TRIP12: variants seen among roughly 807,000 people sequenced by gnomAD.
TRIP12 encodes E3 ubiquitin-protein ligase TRIP12.
TRIP12 carries 25 observed loss-of-function variants against 244.2 expected under a neutral mutation model. The ratio of observed to expected loss-of-function variants is 0.10; its 90% CI spans 0.07 to 0.14. TRIP12 has a LOEUF of 0.14. Ranked by LOEUF, TRIP12 falls within the 10% of genes least tolerant of loss-of-function variation. The pLI is 1.00. For missense variants in TRIP12, 1,677 were observed against 2,486.4 expected (o/e 0.67, Z 6.92); for synonymous variants, 905 against 873.1 (o/e 1.04, Z -0.64).
At chr2:229,781,107 CTCTGCAGAAGGTGGAAGGCCCAGG>C (rs2038009054) in intron 34 of TRIP12, among the ~76,000 whole-genome samples, 1 of 152,158 alleles carries the variant, frequency 6.6e-6, no homozygotes, top group African/African-American at 2.4e-5. Context: ...CTCTGTGAGC[CTCTGCAGAAGGTGGAAGGCCCAGG>C]TCATGTTTGC....
At chr2:229,922,440 G>A, upstream of TRIP12, 2 of 1,399,422 alleles carry the variant, frequency 1.4e-6, no homozygotes, top group African/African-American at 1.4e-5. Context: ...ATTTAAACTA[G>A]GGTTTTGGCC....
Position 229,810,983 on chromosome 2 carries a change from C to T in TRIP12, c.2118G>A (p.Val706=). 20 of 1,614,080 alleles carry T rather than the reference C, an allele frequency of 1.2e-5. No homozygotes were observed. The highest frequency in any genetic ancestry group is 1.7e-5 in the Non-Finnish European group (20 of 1,180,000). ...LLTNVQQLLV[V]TPPILSSGMF... The stretch of plus-strand genomic sequence containing the variant: ...TCCCAGAACTTAAAATGGGTGGAGT[C>T]ACTACCAACAGCTGTTGAACATTTG... The change falls in exon 15 of 42, where the codon GTG becomes GTA. Residue 706 remains valine, a synonymous_variant. Coordinates refer to ENST00000675903, the MANE Select transcript of TRIP12 (RefSeq NM_001348323.3).
intron 8 of TRIP12, among the ~76,000 whole-genome samples, chr2:229,820,807 A>G (rs1032705218): frequency 1.8e-4 from 28 of 152,016 alleles, no homozygotes; most frequent in African/African-American, 6.8e-4. Context: ...CCAGGCTGGT[A>G]GTGAACTCCT....
At chr2:229,784,378 T>C (rs1054478048) in intron 34 of TRIP12, among the ~76,000 whole-genome samples, 2 of 150,046 alleles carry the variant, frequency 1.3e-5, no homozygotes, top group Admixed American at 6.6e-5. Flanking sequence ...AATTAATATA[T>C]ATATATATAA....
chr2:229,841,721 C>T (rs1346310082), intron 4 of TRIP12, among the ~76,000 whole-genome samples: 1 of 152,228 alleles, frequency 6.6e-6, no homozygotes, highest in African/African-American at 2.4e-5. Context: ...TCCATGAGAA[C>T]TCAGCATCAT....
intron 6 of TRIP12, chr2:229,831,043 A>G (rs1340558143): frequency 2.9e-6 from 2 of 695,028 alleles, no homozygotes; most frequent in Admixed American, 4.6e-5. Flanking sequence ...TTTAGTATTA[A>G]AAAGGTTGTA....
intron 1 of TRIP12, among the ~76,000 whole-genome samples, chr2:229,893,588 CATA>C (rs2067953611): frequency 6.6e-6 from 1 of 152,050 alleles, no homozygotes; most frequent in Admixed American, 6.5e-5. Context: ...TTTGACTCAG[CATA>C]ATAATATCCT....
At position 229,850,240 on chromosome 2, in the gene TRIP12, A is replaced by G. The variant is rs188421358; in HGVS notation, c.1027+8532T>C. On this transcript the variant is annotated intron_variant, in intron 4 of 41. Transcript: ENST00000675903. ...CAAAGCCTTGTTAACAAAGAAGTCA[A>G]TGCTGTATTTACAATTAAATGATCT... Among the ~76,000 whole-genome samples, 21 of 152,362 alleles carry G rather than the reference A, an allele frequency of 1.4e-4. No homozygotes were observed. In the East Asian group the frequency reaches 3.9e-3, roughly 28 times the overall value.
chr2:229,903,405 G>T (rs1413824954), intron 1 of TRIP12, among the ~76,000 whole-genome samples: 2 of 152,068 alleles, frequency 1.3e-5, no homozygotes. Context: ...AATTATTATG[G>T]ATAGGATGAC....
chr2:229,769,085 G>A, intron 40 of TRIP12, 146 bp downstream of exon 40: 1 of 640,500 alleles, frequency 1.6e-6, no homozygotes, highest in Admixed American at 3.6e-5. Context: ...CAAAACAGAA[G>A]TAAGCATCCA....
In TRIP12 at chr2:229,804,516, T is replaced by C. The variant is rs75809512; in HGVS notation, c.2651-289A>G. ...TACCTCTTTATTTTACTGATATACA[T>C]TCAATGAAACAATAGGGAAATCCAA... On this transcript the variant is annotated intron_variant, in intron 18 of 41. Coordinates refer to ENST00000675903, the MANE Select transcript of TRIP12 (RefSeq NM_001348323.3). 5.9e-3 allele frequency among the ~76,000 whole-genome samples: 892 copies of C among 152,276 alleles called. 8 individuals carry two copies. The highest frequency in any genetic ancestry group is 0.02 in the African/African-American group (822 of 41,554).
At chr2:229,797,043 T>TA (rs1333521717) in intron 24 of TRIP12, among the ~76,000 whole-genome samples, 17 of 152,188 alleles carry the variant, frequency 1.1e-4, no homozygotes, top group Non-Finnish European at 2.1e-4. Context: ...TAGTTTTCTT[T>TA]AAAAAAGAGT....
chr2:229,894,131 G>T (rs187228508), intron 1 of TRIP12, among the ~76,000 whole-genome samples: 15 of 152,172 alleles, frequency 9.9e-5, no homozygotes, highest in African/African-American at 3.1e-4. Flanking sequence ...CTCCAGCCTG[G>T]GTGACAGAGT....
chr2:229,876,785 T>G (rs2063668713), intron 2 of TRIP12, among the ~76,000 whole-genome samples: 1 of 152,120 alleles, frequency 6.6e-6, no homozygotes, highest in African/African-American at 2.4e-5. Flanking sequence ...CACCTCAGCC[T>G]CCTATGTAGC....
At chr2:229,877,103 A>G (rs1207236298) in intron 2 of TRIP12, among the ~76,000 whole-genome samples, 1 of 152,054 alleles carries the variant, frequency 6.6e-6, no homozygotes, top group African/African-American at 2.4e-5. Flanking sequence ...ATCAAGTTAA[A>G]TACACAGCTG....
At position 229,802,286 on chromosome 2, in the gene TRIP12, T is replaced by C. The variant is rs767722423; in HGVS notation, c.3172A>G (p.Ser1058Gly). ...ADLGSPSLQH[S>G]RDDSLDLSPQ... ...CTGAGATCTAAAGAATCATCCCTGCTGTGCTGCAAGCTGGGTGATCCCAAG... is the reference window on the plus strand; with the variant it reads ...CTGAGATCTAAAGAATCATCCCTGCCGTGCTGCAAGCTGGGTGATCCCAAG... Residue 1058 changes from serine to glycine, a missense_variant, in exon 21 of 42, where the codon AGC becomes GGC. Ser to Gly is a moderately conservative substitution (Grantham distance 56). Coordinates refer to ENST00000675903, the MANE Select transcript of TRIP12 (RefSeq NM_001348323.3). 3.1e-6 allele frequency: 5 copies of C among 1,612,008 alleles called. No homozygotes were observed. Among genetic ancestry groups the C allele is most frequent in the African/African-American group, 1.3e-5 (1 of 74,916 alleles).
intron 2 of TRIP12, among the ~76,000 whole-genome samples, chr2:229,864,047 A>AGAGAGAGAGGGAGAGTGAGT: frequency 1.3e-5 from 1 of 79,292 alleles, no homozygotes; most frequent in Non-Finnish European, 2.5e-5. Context: ...AGAGAGAGAG[A>AGAGAGAGAGGGAGAGTGAGT]GTGTGTGTGT....
chr2:229,916,619 AAG>A (rs1165722310), intron 1 of TRIP12, among the ~76,000 whole-genome samples: 18 of 152,176 alleles, frequency 1.2e-4, no homozygotes, highest in Admixed American at 1.2e-3. Flanking sequence ...TCTCAAGACA[AAG>A]CAGGTAAGCC....
chr2:229,822,172 T>G (rs528539384), intron 8 of TRIP12, among the ~76,000 whole-genome samples: 1 of 151,874 alleles, frequency 6.6e-6, no homozygotes, highest in East Asian at 1.9e-4. Flanking sequence ...AAAAAACTGA[T>G]AGAGGGGAGA....
Sources: gnomAD v4.1 joint callset for allele counts (sites outside exome capture counted in the v4.1 genomes callset) on GRCh38, gnomAD v4.1.1 for gene constraint, MANE v1.5 for transcripts, NCBI Gene and HGNC (gene_info 2026-07-23, HGNC 2026-07-21) for gene names.